Variants in REXO2 observed in about 807,000 individuals in gnomAD.
The protein encoded by REXO2 is oligoribonuclease, mitochondrial.
In REXO2, 17 loss-of-function variants were observed where a neutral mutation model predicts 30.9. The ratio of observed to expected loss-of-function variants is 0.55; its 90% CI spans 0.38 to 0.82. The LOEUF is 0.82. Ranked by LOEUF, REXO2 falls within the 40% of genes least tolerant of loss-of-function variation. The pLI is 0.00. For missense variants in REXO2, 253 were observed against 293.2 expected, an observed-to-expected ratio of 0.86 and a Z score of 1.00; for synonymous variants, 105 against 99.6, an observed-to-expected ratio of 1.05 and a Z score of -0.32.
At position 114,439,654 on chromosome 11, in the gene REXO2, G is replaced by T; in HGVS notation, c.126G>T (p.Arg42=). 6.3e-7 allele frequency: 1 copy of T among 1,579,152 alleles called. No individual in the cohort carries two copies. The stretch of plus-strand genomic sequence containing the variant: ...CGGCAGGGGAGAGCATGGCTCAGCG[G>T]ATGGTCTGGGTGGACCTGGAGGTGA... ...AMAAGESMAQ[R]MVWVDLEMTG... is the part of the protein sequence containing the mutation. Residue 42 remains arginine (R), a synonymous_variant, in exon 1 of 7, where the codon CGG becomes CGT. Transcript: ENST00000265881.
At chr11:114,439,845 G>C (rs1291970709) in intron 1 of REXO2, 170 bp downstream of exon 1, 4 of 753,892 alleles carry the variant, frequency 5.3e-6, no homozygotes, top group South Asian at 1.9e-5. Flanking sequence ...AGTCCTGCGG[G>C]TGTTGGGCGC....
At chr11:114,446,921 A>G (rs928230355) in intron 5 of REXO2, among the ~76,000 whole-genome samples, 1 of 150,006 alleles carries the variant, frequency 6.7e-6, no homozygotes, top group African/African-American at 2.5e-5. Flanking sequence ...TGGTAGAAAG[A>G]TAGAAAGGAG....
Position 114,449,976 on chromosome 11 carries a change from T to C in REXO2, c.*1T>C. ...GGAAAATGAGAAGACCGTGAGTTGA[T>C]GCCAGTTATCATGCTGCCACTACAT... On this transcript the variant is annotated 3_prime_UTR_variant, in exon 7 of 7. Coordinates refer to ENST00000265881, the MANE Select transcript of REXO2 (RefSeq NM_015523.4). The C allele has an allele frequency of 6.3e-7, 1 of 1,594,200 alleles. No individual in the cohort carries two copies. Among genetic ancestry groups the C allele is most frequent in the Middle Eastern group, 1.7e-4 (1 of 6,004 alleles).
chr11:114,440,049 T>G (rs1295895858), intron 1 of REXO2: 3 of 480,942 alleles, frequency 6.2e-6, no homozygotes, highest in Non-Finnish European at 1.2e-5. Context: ...GACCCTAGGT[T>G]GTTAGGGCCA....
At chr11:114,447,901 C>T (rs1382858031) in intron 6 of REXO2, 22 bp downstream of exon 6, 2 of 1,604,446 alleles carry the variant, frequency 1.2e-6, no homozygotes, top group East Asian at 2.2e-5. Flanking sequence ...TTCTACCAAG[C>T]GTTTTCCAGT....
chr11:114,442,159 TAAA>T (rs56827315), intron 2 of REXO2, among the ~76,000 whole-genome samples: 45 of 134,746 alleles, frequency 3.3e-4, no homozygotes, highest in African/African-American at 9.9e-4. Flanking sequence ...ATAAAGATGT[TAAA>T]AAAAAAAAAA....
intron 2 of REXO2, among the ~76,000 whole-genome samples, chr11:114,442,175 G>C (rs1946483259): frequency 6.7e-6 from 1 of 148,660 alleles, no homozygotes; most frequent in Non-Finnish European, 1.5e-5. Flanking sequence ...AAAAAAAAAA[G>C]CTTAGGGGCT....
At position 114,440,642 on chromosome 11, in the gene REXO2, AT is replaced by A. The variant is rs770696738; in HGVS notation, c.148-9del. The A allele has an allele frequency of 3.3e-4, 519 of 1,595,602 alleles. 1 individual carries two copies. The highest frequency in any genetic ancestry group is 4.1e-4 in the Non-Finnish European group (480 of 1,164,766). On this transcript the variant is annotated splice_polypyrimidine_tract_variant and intron_variant, in intron 1 of 6. Transcript: ENST00000265881. Reference sequence around the variant, plus strand: ...ATGGCTTTGTGTGTGTTATATATTTATTTTTAATTGCAGATGACAGGATTGG... The same window carrying A: ...ATGGCTTTGTGTGTGTTATATATTTATTTTAATTGCAGATGACAGGATTGG...
In REXO2 at chr11:114,450,019, T is replaced by G; in HGVS notation, c.*44T>G. On this transcript the variant is annotated 3_prime_UTR_variant, in exon 7 of 7. Transcript: ENST00000265881. ...CACTACATCGTTATCTGGAGGCAAC[T>G]TCTGGTGGTTTTTTTTTCTCACGCT... 1.9e-6 allele frequency: 3 copies of G among 1,540,226 alleles called. No homozygotes were observed. The highest frequency in any genetic ancestry group is 2.6e-6 in the Non-Finnish European group (3 of 1,147,286).
At chr11:114,447,070 C>G (rs1464615214) in intron 5 of REXO2, among the ~76,000 whole-genome samples, 1 of 151,698 alleles carries the variant, frequency 6.6e-6, no homozygotes, top group Admixed American at 6.6e-5. Flanking sequence ...TCCCGAGTAG[C>G]TGGGACTACA....
chr11:114,441,642 G>A (rs754718067), intron 2 of REXO2: 122 of 675,376 alleles, frequency 1.8e-4, no homozygotes, highest in Non-Finnish European at 1.6e-4. Flanking sequence ...GGAAAAGAGA[G>A]TCTTGTTAAA....
Position 114,439,539 on chromosome 11 carries a change from G to T in REXO2, c.11G>T (p.Gly4Val). 1 of 1,607,042 alleles carries T rather than the reference G, an allele frequency of 6.2e-7. No homozygotes were observed. The change falls in exon 1 of 7, where the codon GGC becomes GTC. Residue 4 changes from glycine (G) to valine (V), a missense_variant. By Grantham distance (109) the Gly-to-Val change is moderately radical. Coordinates refer to ENST00000265881, the MANE Select transcript of REXO2 (RefSeq NM_015523.4). The part of the protein sequence containing the change: MLG[G>V]SLGSRLLRGV... ...TGCTGGTCCCGGGTGATGCTAGGCGGCTCCCTGGGCTCCAGGCTGTTGCGG... is the reference window on the plus strand; with the variant it reads ...TGCTGGTCCCGGGTGATGCTAGGCGTCTCCCTGGGCTCCAGGCTGTTGCGG...
At chr11:114,440,902 C>A in intron 2 of REXO2, 163 bp downstream of exon 2, 1 of 495,928 alleles carries the variant, frequency 2.0e-6, no homozygotes, top group Non-Finnish European at 3.5e-6. Flanking sequence ...CCAAAGTAAT[C>A]CATCTCACAG....
intron 2 of REXO2, among the ~76,000 whole-genome samples, chr11:114,443,231 T>A (rs969063050): frequency 4.0e-5 from 6 of 151,868 alleles, no homozygotes; most frequent in Non-Finnish European, 7.4e-5. Context: ...CTCAGCCTCC[T>A]GAGAAGCTAG....
chr11:114,443,583 A>G (rs1304025254), intron 2 of REXO2, among the ~76,000 whole-genome samples: 1 of 152,054 alleles, frequency 6.6e-6, no homozygotes, highest in Admixed American at 6.6e-5. Flanking sequence ...CTATTAATAA[A>G]TAGCTGAAGT....
chr11:114,442,674 C>T (rs1021329093), intron 2 of REXO2, among the ~76,000 whole-genome samples: 2 of 152,086 alleles, frequency 1.3e-5, no homozygotes, highest in African/African-American at 4.8e-5. Context: ...TTTCTTTTAT[C>T]CTGTTAACAT....
At chr11:114,446,135 TTAA>T (rs1284211184) in intron 5 of REXO2, 48 bp downstream of exon 5, 1 of 1,065,486 alleles carries the variant, frequency 9.4e-7, no homozygotes, top group African/African-American at 1.6e-5. Flanking sequence ...TTAGCATGTT[TTAA>T]TTGAGAATTT....
chr11:114,449,735 C>A (rs895918411), intron 6 of REXO2, 111 bp from the exon 7 acceptor site: 3 of 1,035,174 alleles, frequency 2.9e-6, no homozygotes, highest in African/African-American at 1.7e-5. Context: ...GACAGTGACA[C>A]TTACAGTAAC....
chr11:114,439,597 C>T lies in REXO2; in HGVS notation c.69C>T (p.Ala23=). The T allele has an allele frequency of 6.2e-7, 1 of 1,607,420 alleles. No homozygotes were observed. Among genetic ancestry groups the T allele is most frequent in the Non-Finnish European group, 8.5e-7 (1 of 1,178,354 alleles). The change falls in exon 1 of 7, where the codon GCC becomes GCT. Residue 23 remains alanine, a synonymous_variant. Transcript: ENST00000265881. ...GTGGGAGTCACGGACGGTTCGGGGC[C>T]CGAGGTGTCCGCGAAGGTGGCGCAG... is the stretch of plus-strand genomic sequence containing the variant. ...GVGGSHGRFG[A]RGVREGGAAM...
Sources: allele counts gnomAD v4.1 joint callset (sites outside exome capture counted in the v4.1 genomes callset), GRCh38; gene constraint gnomAD v4.1.1; transcripts MANE v1.5; gene names NCBI Gene and HGNC (gene_info 2026-07-23, HGNC 2026-07-21).